Variants in PARN observed in about 807,000 individuals in gnomAD.
PARN encodes the protein poly(A)-specific ribonuclease PARN.
In PARN, 71 loss-of-function variants were observed where a neutral mutation model predicts 102.8. That is an observed-to-expected ratio of 0.69 (90% confidence interval 0.57 to 0.84). PARN has a LOEUF of 0.84. Among genes scored for constraint, PARN ranks in the 40% least tolerant of loss-of-function variants. The probability of loss-of-function intolerance (pLI) is 0.00; values close to 1 mark genes in which losing one functional copy is unlikely to be tolerated. For missense variants in PARN, 782 were observed against 760.9 expected (o/e 1.03, Z -0.33); for synonymous variants, 261 against 252.9 (o/e 1.03, Z -0.30).
At chr16:14,477,494 C>T (rs185218424) in intron 22 of PARN, among the ~76,000 whole-genome samples, 3 of 148,080 alleles carry the variant, frequency 2.0e-5, no homozygotes, top group Admixed American at 1.4e-4. Flanking sequence ...CTGAAAATTA[C>T]AGGCTGGGCG....
At chr16:14,620,741 G>A (rs1972243581) in intron 5 of PARN, among the ~76,000 whole-genome samples, 1 of 152,054 alleles carries the variant, frequency 6.6e-6, no homozygotes, top group Admixed American at 6.6e-5. Context: ...CTCTATTCTG[G>A]GGAAAGCTAT....
At chr16:14,624,372 TAG>T (rs1193924821) in intron 5 of PARN, among the ~76,000 whole-genome samples, 1 of 152,224 alleles carries the variant, frequency 6.6e-6, no homozygotes, top group Admixed American at 6.5e-5. Flanking sequence ...TTCCCAAATT[TAG>T]AGTCTAAACC....
intron 21 of PARN, among the ~76,000 whole-genome samples, chr16:14,506,781 A>T (rs1964915499): frequency 6.6e-6 from 1 of 152,058 alleles, no homozygotes; most frequent in African/African-American, 2.4e-5. Flanking sequence ...GCCTGAGCCC[A>T]GGAGTTCAAG....
intron 21 of PARN, among the ~76,000 whole-genome samples, chr16:14,533,299 G>C (rs901232776): frequency 2.0e-5 from 3 of 152,116 alleles, no homozygotes; most frequent in Admixed American, 1.3e-4. Flanking sequence ...GCAAGTACTC[G>C]GCAGGCCGAG....
chr16:14,499,085 C>T (rs1964457685), intron 21 of PARN, among the ~76,000 whole-genome samples: 1 of 152,224 alleles, frequency 6.6e-6, no homozygotes, highest in Admixed American at 6.5e-5. Flanking sequence ...TAAATGACCA[C>T]ATCACTTCCT....
chr16:14,437,696 G>A (rs1412890357), intron 23 of PARN, among the ~76,000 whole-genome samples: 6 of 152,278 alleles, frequency 3.9e-5, no homozygotes, highest in East Asian at 1.9e-4. Flanking sequence ...TAGGGCTGAC[G>A]GGGGAAACTG....
chr16:14,590,955 A>C (rs1031314951), intron 13 of PARN, among the ~76,000 whole-genome samples: 1 of 152,206 alleles, frequency 6.6e-6, no homozygotes, highest in Non-Finnish European at 1.5e-5. Flanking sequence ...AAGTAACAAA[A>C]TATTAATCTT....
At chr16:14,486,590 T>C (rs949423531) in intron 21 of PARN, among the ~76,000 whole-genome samples, 2 of 152,220 alleles carry the variant, frequency 1.3e-5, no homozygotes, top group South Asian at 2.1e-4. Context: ...CTGAGCACAT[T>C]TGGAATTTAG....
At chr16:14,617,727 A>G in intron 5 of PARN, 77 bp from the exon 6 acceptor site, 1 of 848,868 alleles carries the variant, frequency 1.2e-6, no homozygotes, top group Non-Finnish European at 2.0e-6. Context: ...GAAGTAACTC[A>G]AACAAGAAAA....
At chr16:14,612,591 AT>A (rs888279538) in intron 6 of PARN, among the ~76,000 whole-genome samples, 3 of 150,316 alleles carry the variant, frequency 2.0e-5, no homozygotes, top group Non-Finnish European at 4.4e-5. Flanking sequence ...TGGACATACT[AT>A]TTTTTTTTCT....
At chr16:14,494,358 A>C (rs183165360) in intron 21 of PARN, among the ~76,000 whole-genome samples, 10 of 152,236 alleles carry the variant, frequency 6.6e-5, no homozygotes, top group Admixed American at 6.5e-4. Context: ...ACAGACCATC[A>C]CCCACGGGCT....
chr16:14,592,390 T>C (rs2151765901), intron 13 of PARN, among the ~76,000 whole-genome samples: 1 of 152,164 alleles, frequency 6.6e-6, no homozygotes, highest in South Asian at 2.1e-4. Flanking sequence ...GCTGAAGCTG[T>C]AAAGTGAGTG....
At position 14,630,013 on chromosome 16, in the gene PARN, C is replaced by CA; in HGVS notation, c.19+93dup. On this transcript the variant is annotated intron_variant, in intron 1 of 23. Transcript: ENST00000437198. Reference sequence around the variant, plus strand: ...AAGCCCTGAGGGGCTGCCTCAGCCCCAGGCCCAGCCAAACACGCCGGCCAT... The same window carrying CA: ...AAGCCCTGAGGGGCTGCCTCAGCCCCAAGGCCCAGCCAAACACGCCGGCCAT... 3 of 1,181,546 alleles carry CA rather than the reference C, an allele frequency of 2.5e-6. No homozygotes were observed. The Admixed American group carries it at 6.1e-5, about 24-fold the overall frequency. The allele number at this position is 1,181,546 out of a possible 1,614,324, so 73.2% of individuals were successfully genotyped here. A position where few individuals can be genotyped will look rare whatever the true frequency, so the allele number is the denominator to read the frequency against.
intron 22 of PARN, among the ~76,000 whole-genome samples, chr16:14,475,432 A>G (rs964626733): frequency 4.6e-5 from 7 of 152,180 alleles, no homozygotes; most frequent in African/African-American, 1.7e-4. Context: ...ACACCACCAA[A>G]CCAAATCTTC....
intron 22 of PARN, among the ~76,000 whole-genome samples, chr16:14,451,205 T>C (rs897297590): frequency 1.3e-5 from 2 of 152,196 alleles, no homozygotes; most frequent in African/African-American, 2.4e-5. Flanking sequence ...CATTTCAATG[T>C]TACCGTTCAT....
chr16:14,592,819 T>C (rs573989676), intron 13 of PARN, among the ~76,000 whole-genome samples: 1 of 152,130 alleles, frequency 6.6e-6, no homozygotes. Context: ...CCTCTGGCAA[T>C]GGCAGTGACT....
At chr16:14,491,985 G>A (rs1471301605) in intron 21 of PARN, among the ~76,000 whole-genome samples, 3 of 152,184 alleles carry the variant, frequency 2.0e-5, no homozygotes, top group African/African-American at 2.4e-5. Flanking sequence ...GCTCTGGCTC[G>A]AACGGGTAGT....
At chr16:14,563,525 T>TAC (rs1364338577) in intron 18 of PARN, among the ~76,000 whole-genome samples, 2 of 147,828 alleles carry the variant, frequency 1.4e-5, no homozygotes, top group African/African-American at 5.0e-5. Context: ...TGTGTGTGTA[T>TAC]ATAATTCTTT....
At position 14,606,542 on chromosome 16, in the gene PARN, A is replaced by G; in HGVS notation, c.660-16T>C. ...TTTCGGATACCTAAAGAAAAGAAAAACATAGTATCAGTAGATGAGTCAATG... is the reference window on the plus strand; with the variant it reads ...TTTCGGATACCTAAAGAAAAGAAAAGCATAGTATCAGTAGATGAGTCAATG... On this transcript the variant is annotated splice_polypyrimidine_tract_variant and intron_variant, in intron 9 of 23. Transcript: ENST00000437198. 1 of 1,492,620 alleles carries G rather than the reference A, an allele frequency of 6.7e-7. No homozygotes were observed. Among genetic ancestry groups the G allele is most frequent in the Non-Finnish European group, 9.2e-7 (1 of 1,083,812 alleles). 92.5% of individuals were successfully genotyped at this position (1,492,620 alleles called of 1,614,324 possible).
Sources: gnomAD v4.1 joint callset for allele counts (sites outside exome capture counted in the v4.1 genomes callset) on GRCh38, gnomAD v4.1.1 for gene constraint, MANE v1.5 for transcripts, NCBI Gene and HGNC (gene_info 2026-07-23, HGNC 2026-07-21) for gene names.